LINGO2: variants seen among roughly 807,000 people sequenced by gnomAD.
The protein encoded by LINGO2 is leucine rich repeat and Ig domain containing 2.
In LINGO2, 14 loss-of-function variants were observed where a neutral mutation model predicts 30.6. The observed-to-expected ratio is 0.46, with a 90% CI of 0.30 to 0.72. The LOEUF (loss-of-function observed/expected upper bound fraction) is 0.72, where lower values mean the gene tolerates loss of function less well. Among genes scored for constraint, LINGO2 ranks in the 30% least tolerant of loss-of-function variants. LINGO2 has a pLI of 0.07. For missense variants in LINGO2, 729 were observed against 751.7 expected, an observed-to-expected ratio of 0.97 and a Z score of 0.35; for synonymous variants, 317 against 288.5, an observed-to-expected ratio of 1.10 and a Z score of -1.00.
intron 5 of LINGO2, among the ~76,000 whole-genome samples, chr9:27,952,718 G>T (rs570860001): frequency 1.3e-5 from 2 of 152,132 alleles, no homozygotes; most frequent in East Asian, 3.9e-4. Flanking sequence ...GGGAAAATTT[G>T]CATACTAACT....
intron 3 of LINGO2, among the ~76,000 whole-genome samples, chr9:28,300,887 A>G (rs77837624): frequency 0.12 from 17,594 of 143,644 alleles, 1,684 homozygotes; most frequent in African/African-American, 0.24. Context: ...AACATGTCAG[A>G]ACATGTCAGC....
chr9:27,939,671 C>T, the LINGO2 span: 1 of 152,116 alleles, frequency 6.6e-6, no homozygotes, highest in Non-Finnish European at 1.5e-5. Flanking sequence ...TTATGAAATC[C>T]CTGCATGTAT....
intron 1 of LINGO2, among the ~76,000 whole-genome samples, chr9:28,528,292 T>C (rs769956006): frequency 6.6e-6 from 1 of 152,198 alleles, no homozygotes; most frequent in Non-Finnish European, 1.5e-5. Context: ...CAATGCACAA[T>C]TCAGAACTGG....
chr9:29,176,739 A>G, the LINGO2 span, among the ~76,000 whole-genome samples: 1 of 152,256 alleles, frequency 6.6e-6, no homozygotes, highest in Admixed American at 6.5e-5. Context: ...TGAGACAACT[A>G]TCAAGGTAAA....
chr9:28,019,216 G>A (rs948198943), intron 4 of LINGO2, among the ~76,000 whole-genome samples: 4 of 151,728 alleles, frequency 2.6e-5, no homozygotes, highest in Non-Finnish European at 4.4e-5. Flanking sequence ...CTCCAAACCC[G>A]TGACATGCAG....
At chr9:28,084,916 A>C (rs1305740361) in intron 4 of LINGO2, among the ~76,000 whole-genome samples, 1 of 152,162 alleles carries the variant, frequency 6.6e-6, no homozygotes, top group Non-Finnish European at 1.5e-5. Context: ...GTATGAGAAG[A>C]TCTTTTGCAG....
At chr9:28,155,772 C>G (rs187005610) in intron 4 of LINGO2, among the ~76,000 whole-genome samples, 1 of 152,272 alleles carries the variant, frequency 6.6e-6, no homozygotes, top group East Asian at 1.9e-4. Flanking sequence ...GTGATTATCT[C>G]ACAAAGTCAC....
intron 4 of LINGO2, among the ~76,000 whole-genome samples, chr9:28,266,105 A>T (rs1225794613): frequency 6.6e-6 from 1 of 151,980 alleles, no homozygotes; most frequent in Non-Finnish European, 1.5e-5. Context: ...TTTCTTTAAT[A>T]TACTCACTAT....
At chr9:28,617,966 A>G (rs1434539226) in intron 1 of LINGO2, among the ~76,000 whole-genome samples, 2 of 152,194 alleles carry the variant, frequency 1.3e-5, no homozygotes, top group Non-Finnish European at 2.9e-5. Flanking sequence ...TGATGTGAAG[A>G]TATCACTGAA....
At chr9:28,623,918 T>C (rs761262389) in intron 1 of LINGO2, among the ~76,000 whole-genome samples, 59 of 152,110 alleles carry the variant, frequency 3.9e-4, no homozygotes, top group Non-Finnish European at 4.0e-4. Context: ...ACTTCTTTGA[T>C]TAATTTCTAG....
At chr9:28,208,759 G>T (rs756283196) in intron 4 of LINGO2, among the ~76,000 whole-genome samples, 1 of 151,856 alleles carries the variant, frequency 6.6e-6, no homozygotes, top group Non-Finnish European at 1.5e-5. Flanking sequence ...GTACTCATAG[G>T]CATATAATGT....
intron 1 of LINGO2, among the ~76,000 whole-genome samples, chr9:28,655,885 A>G (rs1470172380): frequency 2.0e-5 from 3 of 152,116 alleles, no homozygotes; most frequent in Non-Finnish European, 4.4e-5. Flanking sequence ...ACTCAGTCCC[A>G]GGTATGTCTT....
the LINGO2 span, among the ~76,000 whole-genome samples, chr9:28,923,272 T>C: frequency 3.9e-5 from 6 of 152,202 alleles, no homozygotes; most frequent in Non-Finnish European, 7.3e-5. Flanking sequence ...CCCAGAGACA[T>C]TGGCTCTTAA....
At chr9:28,671,052 A>C (rs1828988679), upstream of LINGO2, among the ~76,000 whole-genome samples, 1 of 152,126 alleles carries the variant, frequency 6.6e-6, no homozygotes, top group South Asian at 2.1e-4. Flanking sequence ...ATAGATGAGT[A>C]TTTTGTTGCT....
At chr9:29,005,088 A>G in the LINGO2 span, among the ~76,000 whole-genome samples, 2 of 152,042 alleles carry the variant, frequency 1.3e-5, no homozygotes, top group Non-Finnish European at 2.9e-5. Flanking sequence ...TATGTATCAT[A>G]GAGTTATCAT....
At chr9:28,994,053 A>C in the LINGO2 span, among the ~76,000 whole-genome samples, 2 of 151,774 alleles carry the variant, frequency 1.3e-5, no homozygotes, top group South Asian at 4.2e-4. Flanking sequence ...AAGGGTATTC[A>C]GTTAGGAAAA....
chr9:28,296,179 A>T (rs1005704283), intron 3 of LINGO2, among the ~76,000 whole-genome samples: 3 of 152,226 alleles, frequency 2.0e-5, no homozygotes, highest in Non-Finnish European at 4.4e-5. Context: ...TTATTCATAC[A>T]GAGAAAACCT....
chr9:28,045,755 G>A (rs1171758899), intron 4 of LINGO2, among the ~76,000 whole-genome samples: 2 of 152,236 alleles, frequency 1.3e-5, no homozygotes, highest in African/African-American at 4.8e-5. Context: ...GGAAGATAAA[G>A]GTGGATGAGA....
At chr9:28,505,469 T>A (rs1275355953) in intron 1 of LINGO2, among the ~76,000 whole-genome samples, 1 of 152,002 alleles carries the variant, frequency 6.6e-6, no homozygotes, top group Non-Finnish European at 1.5e-5. Context: ...TGAAAATGAA[T>A]GTCTGTTTAG....
Sources: gnomAD v4.1 joint callset for allele counts (sites outside exome capture counted in the v4.1 genomes callset) on GRCh38, gnomAD v4.1.1 for gene constraint, MANE v1.5 for transcripts, NCBI Gene and HGNC (gene_info 2026-07-23, HGNC 2026-07-21) for gene names.